The following AKAIN1 variants were observed in gnomAD, a reference collection of about 807,000 sequenced individuals.
AKAIN1 encodes A-kinase anchor inhibitor 1, also known as A-kinase anchor protein inhibitor 1.
A neutral mutation model predicts 3.7 loss-of-function variants in AKAIN1; 3 were observed. The observed-to-expected ratio is 0.82, with a 90% CI of 0.37 to 2.12. The LOEUF (loss-of-function observed/expected upper bound fraction) is 2.12, where lower values mean the gene tolerates loss of function less well. Ranked by LOEUF, AKAIN1 falls within the 30% of genes most tolerant of loss-of-function variation. AKAIN1 has a pLI of 0.06. For synonymous variants in AKAIN1, 31 were observed against 30.8 expected (o/e 1.01, Z -0.02); for missense variants, 82 against 82.7 (o/e 0.99, Z 0.03).
chr18:5,189,770 G>A (rs1192032174), intron 1 of AKAIN1, among the ~76,000 whole-genome samples: 13 of 140,248 alleles, frequency 9.3e-5, no homozygotes, highest in Admixed American at 1.4e-4. Flanking sequence ...TTTTTTTTCT[G>A]AGCCCCCACA....
intron 1 of AKAIN1, among the ~76,000 whole-genome samples, chr18:5,158,534 A>G (rs1241467445): frequency 6.6e-6 from 1 of 152,164 alleles, no homozygotes; most frequent in Non-Finnish European, 1.5e-5. Context: ...TTCCCTTTGC[A>G]TGCCTGCAAA....
rs2071043509 is a variant in AKAIN1 at position 5,145,540 on chromosome 18, G to A, written c.*22C>T. 6.5e-7 allele frequency: 1 copy of A among 1,546,572 alleles called. No individual in the cohort carries two copies. The highest frequency in any genetic ancestry group is 1.4e-5 in the African/African-American group (1 of 72,936). ...GAGGAAGGCTAGAAACCAAGCACAT[G>A]TCAAGAGCCAAATCCACCATGTTAC... On this transcript the variant is annotated 3_prime_UTR_variant, in exon 2 of 2. Coordinates refer to ENST00000434239, the MANE Select transcript of AKAIN1 (RefSeq NM_001145194.2).
intron 1 of AKAIN1, among the ~76,000 whole-genome samples, chr18:5,183,609 T>C (rs1035195093): frequency 6.6e-6 from 1 of 152,012 alleles, no homozygotes; most frequent in Non-Finnish European, 1.5e-5. Context: ...TTGACTATAA[T>C]GCAAAAGGTA....
chr18:5,145,588 A>C lies in AKAIN1; in HGVS notation c.184T>G (p.Leu62Val). 2 of 1,551,364 alleles carry C rather than the reference A, an allele frequency of 1.3e-6. No homozygotes were observed. Among genetic ancestry groups the C allele is most frequent in the Non-Finnish European group, 1.7e-6 (2 of 1,146,868 alleles). ...RDHIQLGVGELTKKHEKK is the reference protein window; with the variant it reads ...RDHIQLGVGEVTKKHEKK Reference sequence around the variant, plus strand: ...TACTTCTTTTCGTGCTTCTTGGTTAACTCCCCAACGCCCAGTTGGATGTGG... The same window carrying C: ...TACTTCTTTTCGTGCTTCTTGGTTACCTCCCCAACGCCCAGTTGGATGTGG... Residue 62 changes from leucine to valine, a missense_variant, in exon 2 of 2, where the codon TTA (leucine) becomes GTA (valine). Leu to Val is a conservative substitution (Grantham distance 32, BLOSUM62 1). Transcript: ENST00000434239.
chr18:5,155,603 G>A (rs2071103499), intron 1 of AKAIN1, among the ~76,000 whole-genome samples: 1 of 152,084 alleles, frequency 6.6e-6, no homozygotes, highest in Non-Finnish European at 1.5e-5. Flanking sequence ...TGTATGAACC[G>A]CGTCATTCTT....
rs1567882323 is a variant in AKAIN1, at chr18:5,197,084, AAGAG to A, written c.-35_-32del. On this transcript the variant is annotated 5_prime_UTR_variant, in exon 1 of 2. Coordinates refer to ENST00000434239, the MANE Select transcript of AKAIN1 (RefSeq NM_001145194.2). The surrounding 1 kb of genome is among the most constrained non-coding windows in gnomAD (Gnocchi z 6.9). Reference sequence around the variant, plus strand: ...CTTCCAGCCGCTACGCCCCCAGATTAAGAGAGAAAGACAGGCAGACGGAGGATGG... The same window carrying A: ...CTTCCAGCCGCTACGCCCCCAGATTAAGAAAGACAGGCAGACGGAGGATGG... 12 of 1,551,278 alleles carry A rather than the reference AAGAG, an allele frequency of 7.7e-6. 1 individual carries two copies. In the Admixed American group the frequency reaches 2.0e-4, roughly 25 times the overall value.
chr18:5,186,914 G>A (rs1229049047), intron 1 of AKAIN1, among the ~76,000 whole-genome samples: 1 of 152,088 alleles, frequency 6.6e-6, no homozygotes, highest in African/African-American at 2.4e-5. Flanking sequence ...AATAATTGGA[G>A]GCTAAACAAT....
intron 1 of AKAIN1, among the ~76,000 whole-genome samples, chr18:5,178,668 G>T (rs896440047): frequency 1.1e-4 from 17 of 152,288 alleles, no homozygotes; most frequent in African/African-American, 4.1e-4. Flanking sequence ...CAAGCCACCT[G>T]CCTGTTGTGC....
At chr18:5,194,956 G>C (rs2071339551) in intron 1 of AKAIN1, among the ~76,000 whole-genome samples, 1 of 152,184 alleles carries the variant, frequency 6.6e-6, no homozygotes, top group Non-Finnish European at 1.5e-5. Flanking sequence ...TTGCAGTGCT[G>C]AAAATCTGGC....
intron 1 of AKAIN1, among the ~76,000 whole-genome samples, chr18:5,160,646 G>A (rs74832647): frequency 6.6e-6 from 1 of 152,096 alleles, no homozygotes. Context: ...AGATCATGAA[G>A]TTGTTCTCCT....
At chr18:5,196,768 C>G (rs2071350209) in intron 1 of AKAIN1, among the ~76,000 whole-genome samples, 1 of 152,154 alleles carries the variant, frequency 6.6e-6, no homozygotes, top group Admixed American at 6.5e-5. Flanking sequence ...GGCTCCTGAG[C>G]TCGGAAGGGG....
chr18:5,153,436 A>G (rs9963978), intron 1 of AKAIN1, among the ~76,000 whole-genome samples: 24,243 of 150,394 alleles, frequency 0.16, 2,013 homozygotes, highest in African/African-American at 0.17. Context: ...TAATACAGGG[A>G]TACAAAAATT....
At chr18:5,158,004 T>G (rs1045699898) in intron 1 of AKAIN1, among the ~76,000 whole-genome samples, 5 of 152,140 alleles carry the variant, frequency 3.3e-5, no homozygotes, top group Admixed American at 1.3e-4. Flanking sequence ...CTGTTACAAC[T>G]GACTGTGGTA....
At chr18:5,152,160 C>A (rs528671784) in intron 1 of AKAIN1, among the ~76,000 whole-genome samples, 2 of 152,194 alleles carry the variant, frequency 1.3e-5, no homozygotes, top group Non-Finnish European at 2.9e-5. Context: ...AGTCAGGCTG[C>A]GCTCTGGCCC....
chr18:5,148,137 C>A lies in AKAIN1; in HGVS notation c.17-2382G>T, dbSNP rs1444709280. Among the ~76,000 whole-genome samples the A allele has an allele frequency of 2.0e-5, 3 of 152,178 alleles. No individual in the cohort carries two copies. In the East Asian group the frequency reaches 5.8e-4, roughly 29 times the overall value. ...CATAGTAAGCATTTGTAAGTGTCCA[C>A]CATTGTGTGTTAGGGAATAGACTAA... On this transcript the variant is annotated intron_variant, in intron 1 of 1. Coordinates refer to ENST00000434239, the MANE Select transcript of AKAIN1 (RefSeq NM_001145194.2).
chr18:5,142,996 T>C lies in AKAIN1; in HGVS notation c.*2566A>G, dbSNP rs1439070252. Among the ~76,000 whole-genome samples the C allele has an allele frequency of 6.6e-6, 1 of 152,182 alleles. No homozygotes were observed. Among genetic ancestry groups the C allele is most frequent in the Non-Finnish European group, 1.5e-5 (1 of 68,028 alleles). On this transcript the variant is annotated 3_prime_UTR_variant, in exon 2 of 2. Transcript: ENST00000434239. Reference sequence around the variant, plus strand: ...AGGATTTCTTTCTTTAGATCCACCCTAGGGGCAGGCAACAGAGAAGACGAA... The same window carrying C: ...AGGATTTCTTTCTTTAGATCCACCCCAGGGGCAGGCAACAGAGAAGACGAA...
chr18:5,160,896 C>G (rs537803020), intron 1 of AKAIN1, among the ~76,000 whole-genome samples: 8 of 146,390 alleles, frequency 5.5e-5, no homozygotes, highest in Non-Finnish European at 9.3e-5. Context: ...ATTATTTATT[C>G]TTTTCCATTG....
chr18:5,147,772 T>G (rs2071057427), intron 1 of AKAIN1, among the ~76,000 whole-genome samples: 1 of 152,164 alleles, frequency 6.6e-6, no homozygotes, highest in Admixed American at 6.5e-5. Context: ...AGAACAATAT[T>G]TTAAAAAACA....
chr18:5,155,984 A>C (rs2071106030), intron 1 of AKAIN1, among the ~76,000 whole-genome samples: 1 of 152,146 alleles, frequency 6.6e-6, no homozygotes, highest in Admixed American at 6.5e-5. Flanking sequence ...TAGTACATCC[A>C]CAGCACTTTC....
Sources: gnomAD v4.1 joint callset for allele counts (sites outside exome capture counted in the v4.1 genomes callset) on GRCh38, gnomAD v4.1.1 for gene constraint, Gnocchi (gnomAD v3.1) non-coding constraint, MANE v1.5 for transcripts, NCBI Gene and HGNC (gene_info 2026-07-23, HGNC 2026-07-21) for gene names.